MAP4K3: variants seen among roughly 807,000 people sequenced by gnomAD.
MAP4K3 encodes MAPK/ERK kinase kinase kinase 3.
A neutral mutation model predicts 143.5 loss-of-function variants in MAP4K3; 94 were observed. The ratio of observed to expected loss-of-function variants is 0.65; its 90% CI spans 0.55 to 0.78. MAP4K3 has a LOEUF of 0.78. Among genes scored for constraint, MAP4K3 ranks in the 30% least tolerant of loss-of-function variants. The probability of loss-of-function intolerance (pLI) is 0.00; values close to 1 mark genes in which losing one functional copy is unlikely to be tolerated. For missense variants in MAP4K3, 1,077 were observed against 1,068.1 expected (o/e 1.01, Z -0.12); for synonymous variants, 416 against 347.2 (o/e 1.20, Z -2.20).
chr2:39,404,720 C>A (rs1193230046), intron 1 of MAP4K3, among the ~76,000 whole-genome samples: 1 of 144,698 alleles, frequency 6.9e-6, no homozygotes, highest in Non-Finnish European at 1.5e-5. Flanking sequence ...CTTCTGGGTT[C>A]AAGCGATTCT....
rs113400622 is a variant in MAP4K3, at chr2:39,422,320, C to T, written c.96+14572G>A. Among the ~76,000 whole-genome samples the T allele has an allele frequency of 3.6e-3, 551 of 152,182 alleles. 6 individuals are homozygous for T. The highest frequency in any genetic ancestry group is 0.013 in the African/African-American group (523 of 41,506). On this transcript the variant is annotated intron_variant, in intron 1 of 33. Transcript: ENST00000263881. Reference sequence around the variant, plus strand: ...CTAACTAGACTCAATAGTCTTCTCCCAGTCCTTATCTCCCCTAGTTCTCTG... The same window carrying T: ...CTAACTAGACTCAATAGTCTTCTCCTAGTCCTTATCTCCCCTAGTTCTCTG...
chr2:39,264,529 G>A (rs902838095), intron 28 of MAP4K3, among the ~76,000 whole-genome samples: 1 of 152,024 alleles, frequency 6.6e-6, no homozygotes, highest in Non-Finnish European at 1.5e-5. Context: ...GCTATATTCC[G>A]ACTCTAATTT....
intron 3 of MAP4K3, among the ~76,000 whole-genome samples, chr2:39,344,807 T>C (rs906873043): frequency 2.0e-5 from 3 of 152,142 alleles, no homozygotes; most frequent in African/African-American, 7.2e-5. Flanking sequence ...AAGGGACCTG[T>C]GCAAAAGAAT....
intron 1 of MAP4K3, among the ~76,000 whole-genome samples, chr2:39,417,922 G>C (rs1667429025): frequency 6.6e-6 from 1 of 152,100 alleles, no homozygotes; most frequent in African/African-American, 2.4e-5. Context: ...CAAAATGATG[G>C]CTGGGTGCAG....
rs538903855 is a variant in MAP4K3 at position 39,426,987 on chromosome 2, G to C, written c.96+9905C>G. 9.9e-5 allele frequency among the ~76,000 whole-genome samples: 15 copies of C among 152,068 alleles called. No individual in the cohort carries two copies. In the South Asian group the frequency reaches 3.1e-3, roughly 32 times the overall value. On this transcript the variant is annotated intron_variant, in intron 1 of 33. Transcript: ENST00000263881. ...CTACTCTTCAGATTAAAGAAAAACA[G>C]TAAATATTTTTATTAAAATCCACAC...
chr2:39,278,220 C>T (rs529031306), intron 24 of MAP4K3, among the ~76,000 whole-genome samples, 187 bp downstream of exon 24: 3 of 151,192 alleles, frequency 2.0e-5, no homozygotes, highest in Non-Finnish European at 2.9e-5. Flanking sequence ...TGCAGTGAGC[C>T]GAGATCACAC....
chr2:39,283,880 T>C (rs1189038639), intron 21 of MAP4K3: 3 of 152,138 alleles, frequency 2.0e-5, no homozygotes, highest in Non-Finnish European at 4.4e-5. Flanking sequence ...TTCTAATTTT[T>C]CCCTAGAGCT....
At chr2:39,354,398 G>C (rs1056293014) in intron 3 of MAP4K3, among the ~76,000 whole-genome samples, 1 of 151,728 alleles carries the variant, frequency 6.6e-6, no homozygotes, top group Non-Finnish European at 1.5e-5. Context: ...AGCTGAGATC[G>C]CGCCACTGCA....
intron 6 of MAP4K3, 77 bp downstream of exon 6, chr2:39,336,843 C>T (rs1207487193): frequency 1.7e-6 from 1 of 592,158 alleles, no homozygotes; most frequent in Non-Finnish European, 2.8e-6. Context: ...TCAAATAAAA[C>T]AATTTTGCTC....
chr2:39,409,497 G>A (rs1405744906), intron 1 of MAP4K3, among the ~76,000 whole-genome samples: 1 of 152,178 alleles, frequency 6.6e-6, no homozygotes, highest in Non-Finnish European at 1.5e-5. Context: ...TAGAGGCTGA[G>A]GCAGGAGAAT....
chr2:39,301,746 G>T (rs185649815), intron 15 of MAP4K3, among the ~76,000 whole-genome samples: 1 of 152,188 alleles, frequency 6.6e-6, no homozygotes, highest in East Asian at 1.9e-4. Flanking sequence ...GAAATAGGCC[G>T]GGCGCAGTGG....
intron 1 of MAP4K3, among the ~76,000 whole-genome samples, chr2:39,396,964 T>C (rs1390443661): frequency 6.6e-6 from 1 of 152,232 alleles, no homozygotes; most frequent in Non-Finnish European, 1.5e-5. Flanking sequence ...TTTAGTAGTA[T>C]GTACTGACTA....
At position 39,398,958 on chromosome 2, in the gene MAP4K3, C is replaced by T. The variant is rs899580906; in HGVS notation, c.97-20835G>A. Among the ~76,000 whole-genome samples the T allele has an allele frequency of 1.5e-4, 23 of 149,942 alleles. No individual in the cohort carries two copies. The Admixed American group carries it at 1.5e-3, about 10-fold the overall frequency. On this transcript the variant is annotated intron_variant, in intron 1 of 33. Coordinates refer to ENST00000263881, the MANE Select transcript of MAP4K3 (RefSeq NM_003618.4). ...ACTCGGGAGGCTGAGGCAGGAGAAT[C>T]GCTTGAACCCAGGAGGTGGAAGCTG...
intron 2 of MAP4K3, among the ~76,000 whole-genome samples, chr2:39,376,655 T>C (rs567254418): frequency 5.9e-5 from 9 of 152,322 alleles, no homozygotes; most frequent in African/African-American, 2.2e-4. Flanking sequence ...AATATAGCTA[T>C]GGTCAGTGCT....
At chr2:39,283,349 G>A (rs1166185550) in intron 21 of MAP4K3, among the ~76,000 whole-genome samples, 2 of 152,104 alleles carry the variant, frequency 1.3e-5, no homozygotes, top group African/African-American at 4.8e-5. Flanking sequence ...TTTCTCCTGT[G>A]CTCCTCATTA....
At chr2:39,399,795 T>G (rs912712412) in intron 1 of MAP4K3, among the ~76,000 whole-genome samples, 1 of 152,230 alleles carries the variant, frequency 6.6e-6, no homozygotes, top group African/African-American at 2.4e-5. Flanking sequence ...GTTACAAGCA[T>G]ACATTTTAGT....
chr2:39,290,174 C>A, intron 19 of MAP4K3, 118 bp downstream of exon 19: 1 of 613,060 alleles, frequency 1.6e-6, no homozygotes, highest in East Asian at 3.4e-5. Context: ...TTACTTATAT[C>A]AACTTCATGA....
At chr2:39,350,233 C>T (rs936297514) in intron 3 of MAP4K3, among the ~76,000 whole-genome samples, 2 of 152,160 alleles carry the variant, frequency 1.3e-5, no homozygotes, top group African/African-American at 4.8e-5. Context: ...ATTCCTAATT[C>T]CTCTCAAAAA....
intron 12 of MAP4K3, among the ~76,000 whole-genome samples, chr2:39,318,960 C>T (rs1316955123): frequency 6.6e-6 from 1 of 152,104 alleles, no homozygotes; most frequent in East Asian, 1.9e-4. Context: ...CCTGAGGAGA[C>T]ATTTGGCAAT....
Sources: allele counts gnomAD v4.1 joint callset (sites outside exome capture counted in the v4.1 genomes callset), GRCh38; gene constraint gnomAD v4.1.1; transcripts MANE v1.5; gene names NCBI Gene and HGNC (gene_info 2026-07-23, HGNC 2026-07-21).